Variants in ADCY5 observed in about 807,000 individuals in gnomAD.
ADCY5 encodes adenylate cyclase type 5.
ADCY5 carries 30 observed loss-of-function variants against 119.7 expected under a neutral mutation model. That is an observed-to-expected ratio of 0.25 (90% CI 0.19 to 0.34). ADCY5 has a LOEUF of 0.34. ADCY5 is among the 10% of genes least tolerant of loss of function. The probability of loss-of-function intolerance (pLI) is 1.00; values close to 1 mark genes in which losing one functional copy is unlikely to be tolerated. For missense variants in ADCY5, 1,324 were observed against 1,775.2 expected, an observed-to-expected ratio of 0.75 and a Z score of 4.57; for synonymous variants, 753 against 762.2, an observed-to-expected ratio of 0.99 and a Z score of 0.20.
In ADCY5 at chr3:123,431,968, G is replaced by A. The variant is rs961942414; in HGVS notation, c.1134+15444C>T. Among the ~76,000 whole-genome samples, 2 of 152,124 alleles carry A rather than the reference G, an allele frequency of 1.3e-5. 1 individual carries two copies. Among genetic ancestry groups the A allele is most frequent in the Admixed American group, 1.3e-4 (2 of 15,270 alleles). On this transcript the variant is annotated intron_variant, in intron 1 of 20. Transcript: ENST00000462833. ...AGAATCACCCACAGCATTACAAAACGCTGATGCCCAGCCACTGCCGACGTA... is the reference window on the plus strand; with the variant it reads ...AGAATCACCCACAGCATTACAAAACACTGATGCCCAGCCACTGCCGACGTA...
chr3:123,349,350 A>G (rs1942725510), intron 2 of ADCY5, among the ~76,000 whole-genome samples: 1 of 152,144 alleles, frequency 6.6e-6, no homozygotes, highest in South Asian at 2.1e-4. Context: ...GGACCTGTCC[A>G]GCACTGACGA....
At chr3:123,289,103 G>A (rs574079440) in intron 19 of ADCY5, among the ~76,000 whole-genome samples, 5 of 152,128 alleles carry the variant, frequency 3.3e-5, no homozygotes, top group African/African-American at 1.2e-4. Context: ...ATCATTTCAC[G>A]GTCACTATCA....
intron 11 of ADCY5, among the ~76,000 whole-genome samples, chr3:123,317,482 C>T (rs1395085446): frequency 6.6e-6 from 1 of 152,084 alleles, no homozygotes. Context: ...CGCCTGTAAT[C>T]CTAGCACTTT....
intron 1 of ADCY5, among the ~76,000 whole-genome samples, chr3:123,436,855 A>G (rs1005593573): frequency 6.6e-6 from 1 of 152,184 alleles, no homozygotes; most frequent in Non-Finnish European, 1.5e-5. Flanking sequence ...CAGGGATCCA[A>G]TCCTGCCACG....
At chr3:123,293,493 G>C (rs1192603772) in intron 17 of ADCY5, among the ~76,000 whole-genome samples, 1 of 151,982 alleles carries the variant, frequency 6.6e-6, no homozygotes, top group Non-Finnish European at 1.5e-5. Flanking sequence ...CCACAGGCTG[G>C]CAGGTAGACA....
At chr3:123,341,083 C>A (rs148366693) in intron 3 of ADCY5, among the ~76,000 whole-genome samples, 2 of 152,190 alleles carry the variant, frequency 1.3e-5, no homozygotes, top group African/African-American at 4.8e-5. Flanking sequence ...CAAGATCATG[C>A]CACTGTACTC....
chr3:123,378,244 T>C (rs751687198), intron 1 of ADCY5, among the ~76,000 whole-genome samples: 78 of 152,258 alleles, frequency 5.1e-4, no homozygotes, highest in Non-Finnish European at 9.4e-4. Flanking sequence ...ACCCTGCTTC[T>C]TCAGGTGAGG....
intron 1 of ADCY5, among the ~76,000 whole-genome samples, chr3:123,389,223 A>G (rs1441404498): frequency 2.0e-5 from 3 of 152,116 alleles, no homozygotes; most frequent in Non-Finnish European, 2.9e-5. Flanking sequence ...CTTGGTGGAG[A>G]CACAGGACTG....
chr3:123,438,221 T>C (rs1299724232), intron 1 of ADCY5, among the ~76,000 whole-genome samples: 1 of 151,954 alleles, frequency 6.6e-6, no homozygotes, highest in Non-Finnish European at 1.5e-5. Context: ...GGTGCTGGAG[T>C]CAAATGTGTT....
At chr3:123,428,091 T>C (rs575085707) in intron 1 of ADCY5, among the ~76,000 whole-genome samples, 13 of 152,320 alleles carry the variant, frequency 8.5e-5, no homozygotes, top group African/African-American at 2.6e-4. Flanking sequence ...GAAAGAAATA[T>C]GTGAGAACCA....
At chr3:123,364,558 G>A (rs1233265284) in intron 1 of ADCY5, among the ~76,000 whole-genome samples, 1 of 152,124 alleles carries the variant, frequency 6.6e-6, no homozygotes, top group Non-Finnish European at 1.5e-5. Flanking sequence ...GGTACTCACT[G>A]CTGACCAGAA....
intron 12 of ADCY5, among the ~76,000 whole-genome samples, chr3:123,307,446 AAAGT>A (rs1350109546): frequency 6.6e-6 from 1 of 152,204 alleles, no homozygotes; most frequent in Middle Eastern, 3.2e-3. Flanking sequence ...ACGCAACAGA[AAAGT>A]TAGTTAATAT....
chr3:123,417,844 G>C (rs926573596), intron 1 of ADCY5, among the ~76,000 whole-genome samples: 2 of 152,158 alleles, frequency 1.3e-5, no homozygotes, highest in Non-Finnish European at 2.9e-5. Flanking sequence ...TTATGAAATA[G>C]AACTCCGAAA....
At chr3:123,309,323 G>C (rs1316721990) in intron 12 of ADCY5, among the ~76,000 whole-genome samples, 1 of 152,178 alleles carries the variant, frequency 6.6e-6, no homozygotes, top group Non-Finnish European at 1.5e-5. Context: ...AAAAAGGTAA[G>C]AAAACCACAG....
At chr3:123,419,175 T>G (rs1019512284) in intron 1 of ADCY5, 9 of 985,154 alleles carry the variant, frequency 9.1e-6, no homozygotes, top group African/African-American at 1.8e-5. Flanking sequence ...CCGCATCCCC[T>G]CCCCTCATCA....
chr3:123,401,583 C>A (rs1027590452), intron 1 of ADCY5, among the ~76,000 whole-genome samples: 3 of 152,194 alleles, frequency 2.0e-5, no homozygotes, highest in African/African-American at 7.2e-5. Context: ...TGCCCAGGGG[C>A]ACCTACATAA....
At chr3:123,296,531 C>T (rs113214357) in intron 16 of ADCY5, among the ~76,000 whole-genome samples, 156 of 152,290 alleles carry the variant, frequency 1.0e-3, no homozygotes, top group African/African-American at 3.7e-3. Flanking sequence ...TTCTAAAAGG[C>T]AGCATGTACA....
At chr3:123,291,953 C>A (rs1337997486) in intron 17 of ADCY5, among the ~76,000 whole-genome samples, 1 of 152,158 alleles carries the variant, frequency 6.6e-6, no homozygotes, top group Non-Finnish European at 1.5e-5. Flanking sequence ...CCAGGAGGGA[C>A]CCCCTGGGAT....
At chr3:123,292,729 G>A (rs1435414591) in intron 17 of ADCY5, among the ~76,000 whole-genome samples, 1 of 152,104 alleles carries the variant, frequency 6.6e-6, no homozygotes, top group African/African-American at 2.4e-5. Flanking sequence ...TGGGGGGTAG[G>A]GGGCATCCCT....
Sources: gnomAD v4.1 joint callset for allele counts (sites outside exome capture counted in the v4.1 genomes callset) on GRCh38, gnomAD v4.1.1 for gene constraint, MANE v1.5 for transcripts, NCBI Gene and HGNC (gene_info 2026-07-23, HGNC 2026-07-21) for gene names.